The following NRG1 variants were observed in gnomAD, a reference collection of about 807,000 sequenced individuals.
NRG1 encodes neuregulin 1.
NRG1 carries 18 observed loss-of-function variants against 63.8 expected under a neutral mutation model. That is an observed-to-expected ratio of 0.28 (90% CI 0.19 to 0.42). NRG1 has a LOEUF of 0.42. NRG1 is among the 10% of genes least tolerant of loss of function. The pLI, the probability that NRG1 is intolerant of heterozygous loss-of-function variation, is 1.00. For synonymous variants in NRG1, 302 were observed against 301.3 expected (o/e 1.00, Z -0.02); for missense variants, 762 against 814.7 (o/e 0.94, Z 0.79).
chr8:32,488,713 A>AT (rs1826189250), intron 1 of NRG1, among the ~76,000 whole-genome samples: 1 of 152,212 alleles, frequency 6.6e-6, no homozygotes, highest in Non-Finnish European at 1.5e-5. Context: ...ATGCTCTCTT[A>AT]ACTCCATGAT....
chr8:32,727,741 A>G lies in NRG1; in HGVS notation c.503-208A>G, dbSNP rs542356164. ...CTATTTAGTTATAGTAAAATTAGTTAACTCTATAATTCTCTCTTTTATAAT... is the reference window on the plus strand; with the variant it reads ...CTATTTAGTTATAGTAAAATTAGTTGACTCTATAATTCTCTCTTTTATAAT... On this transcript the variant is annotated intron_variant, in intron 5 of 11. Coordinates refer to ENST00000356819, the Ensembl canonical transcript of NRG1. 9.2e-5 allele frequency among the ~76,000 whole-genome samples: 14 copies of G among 152,322 alleles called. 1 individual carries two copies. In the South Asian group the frequency reaches 2.9e-3, roughly 32 times the overall value.
chr8:32,298,758 G>A (rs1220771626), intron 1 of NRG1, among the ~76,000 whole-genome samples: 1 of 150,204 alleles, frequency 6.7e-6, no homozygotes, highest in Non-Finnish European at 1.5e-5. Context: ...ATCGGGTGCG[G>A]GGGCTCACGC....
chr8:32,083,378 C>T (rs1156236750), intron 1 of NRG1, among the ~76,000 whole-genome samples: 1 of 152,122 alleles, frequency 6.6e-6, no homozygotes, highest in East Asian at 1.9e-4. Context: ...AATTTAAAGG[C>T]CAAAGAGTTA....
intron 1 of NRG1, among the ~76,000 whole-genome samples, chr8:32,165,750 T>C (rs540164300): frequency 5.9e-5 from 9 of 152,190 alleles, no homozygotes; most frequent in Non-Finnish European, 1.3e-4. Flanking sequence ...TGAACCTCTT[T>C]ATCTCATCCC....
intron 1 of NRG1, among the ~76,000 whole-genome samples, chr8:32,164,754 G>A (rs926156780): frequency 3.3e-5 from 5 of 152,156 alleles, no homozygotes; most frequent in African/African-American, 4.8e-5. Context: ...TCAAAGATGG[G>A]ATATGAATAT....
chr8:32,266,623 T>C (rs765636674), intron 1 of NRG1, among the ~76,000 whole-genome samples: 1 of 152,124 alleles, frequency 6.6e-6, no homozygotes, highest in Non-Finnish European at 1.5e-5. Flanking sequence ...CAAAAAATAA[T>C]AGTGTTTCAC....
At chr8:32,667,034 T>C (rs1308528353) in intron 5 of NRG1, among the ~76,000 whole-genome samples, 1 of 152,214 alleles carries the variant, frequency 6.6e-6, no homozygotes, top group Non-Finnish European at 1.5e-5. Flanking sequence ...AATACGTCAT[T>C]GGACCATTTC....
chr8:32,317,997 G>GA (rs1800960960), intron 1 of NRG1, among the ~76,000 whole-genome samples: 1 of 151,756 alleles, frequency 6.6e-6, no homozygotes, highest in Admixed American at 6.6e-5. Context: ...TAAGAAAAGG[G>GA]AGAAAAAAAA....
chr8:32,724,411 C>G (rs1018726138), intron 5 of NRG1, among the ~76,000 whole-genome samples: 7 of 152,142 alleles, frequency 4.6e-5, no homozygotes, highest in East Asian at 1.9e-4. Flanking sequence ...CCCAGCCCCC[C>G]CAGAAAGAAT....
At chr8:32,395,556 C>A (rs749504733) in intron 1 of NRG1, among the ~76,000 whole-genome samples, 1 of 151,768 alleles carries the variant, frequency 6.6e-6, no homozygotes. Context: ...AGTGTCTATG[C>A]AAATCTTTTG....
rs551558753 is a variant in NRG1, at chr8:32,092,545, T to C, written c.37+453114T>C. Among the ~76,000 whole-genome samples the C allele has an allele frequency of 4.4e-4, 67 of 152,132 alleles. 1 individual carries two copies. The highest frequency in any genetic ancestry group is 1.5e-3 in the African/African-American group (61 of 41,514). ...GCTTAGTGAAGAACATTAAAAAGAT[T>C]TGCTTGAGCTCTTGGTTGCCATGGC... On this transcript the variant is annotated intron_variant, in intron 1 of 10. Coordinates refer to the NRG1 transcript ENST00000519301.
At chr8:32,226,356 T>C (rs1464668625) in intron 1 of NRG1, among the ~76,000 whole-genome samples, 2 of 152,178 alleles carry the variant, frequency 1.3e-5, no homozygotes, top group African/African-American at 4.8e-5. Context: ...ATCCACTTTC[T>C]GCATATTGCC....
At chr8:32,754,537 G>T in intron 8 of NRG1, 63 bp downstream of exon 8, 2 of 1,490,256 alleles carry the variant, frequency 1.3e-6, no homozygotes, top group Non-Finnish European at 1.9e-6. Flanking sequence ...GATGGCCAGG[G>T]CTTTGCAGAA....
At chr8:31,757,428 A>C (rs1817083699) in intron 1 of NRG1, among the ~76,000 whole-genome samples, 2 of 152,164 alleles carry the variant, frequency 1.3e-5, no homozygotes. Flanking sequence ...ACTCCACTAA[A>C]TCAGGACATT....
chr8:31,876,873 T>C (rs1829966157), intron 1 of NRG1, among the ~76,000 whole-genome samples: 1 of 152,148 alleles, frequency 6.6e-6, no homozygotes, highest in African/African-American at 2.4e-5. Flanking sequence ...ATAAATAAAG[T>C]CAAACTCCAC....
chr8:32,704,174 T>C lies in NRG1; in HGVS notation c.503-23775T>C, dbSNP rs141074299. On this transcript the variant is annotated intron_variant, in intron 5 of 11. Transcript: ENST00000356819. ...CAATGTTTCCTTAATTTCTTCTTTC[T>C]ATCTCCCATCTCCCAATGTCCTCTG... Among the ~76,000 whole-genome samples the C allele has an allele frequency of 4.6e-5, 7 of 152,334 alleles. No homozygotes were observed. The East Asian group carries it at 1.4e-3, about 29-fold the overall frequency.
intron 1 of NRG1, among the ~76,000 whole-genome samples, chr8:31,939,318 G>A (rs28873726): frequency 0.036 from 5,409 of 152,024 alleles, 328 homozygotes; most frequent in African/African-American, 0.12. Flanking sequence ...ACTAAGCTTC[G>A]TAAATGAAGG....
intron 1 of NRG1, among the ~76,000 whole-genome samples, chr8:31,685,291 T>C (rs1808770640): frequency 1.3e-5 from 2 of 152,148 alleles, no homozygotes; most frequent in Admixed American, 1.3e-4. Context: ...GAAAACACCA[T>C]TTAATTTTAG....
intron 1 of NRG1, among the ~76,000 whole-genome samples, chr8:32,374,834 C>T (rs1015738021): frequency 3.3e-5 from 5 of 152,044 alleles, no homozygotes; most frequent in African/African-American, 9.7e-5. Context: ...TGTAGGGAAG[C>T]AGAGATCAGA....
Sources: gnomAD v4.1 joint callset for allele counts (sites outside exome capture counted in the v4.1 genomes callset) on GRCh38, gnomAD v4.1.1 for gene constraint, MANE v1.5 for transcripts, NCBI Gene and HGNC (gene_info 2026-07-23, HGNC 2026-07-21) for gene names.